The following ENO4 variants were observed in gnomAD, a reference collection of about 807,000 sequenced individuals.
ENO4 encodes enolase 4.
Under a neutral mutation model 63.2 loss-of-function variants are expected in ENO4, and 53 were observed. That is an observed-to-expected ratio of 0.84 (90% CI 0.67 to 1.05). ENO4 has a LOEUF of 1.05. ENO4 is among the 50% of genes least tolerant of loss of function. The pLI, the probability that ENO4 is intolerant of heterozygous loss-of-function variation, is 0.00. For missense variants in ENO4, 719 were observed against 772.0 expected, an observed-to-expected ratio of 0.93 and a Z score of 0.81; for synonymous variants, 266 against 283.8, an observed-to-expected ratio of 0.94 and a Z score of 0.63.
At chr10:116,866,485 A>G (rs1431492606) in intron 7 of ENO4, among the ~76,000 whole-genome samples, 3 of 152,210 alleles carry the variant, frequency 2.0e-5, no homozygotes, top group African/African-American at 7.2e-5. Flanking sequence ...TGAGCCTCTT[A>G]CATATCCTGT....
chr10:116,868,333 T>A (rs918672499), intron 7 of ENO4, among the ~76,000 whole-genome samples: 6 of 152,228 alleles, frequency 3.9e-5, no homozygotes, highest in African/African-American at 1.4e-4. Context: ...GTTCATGATA[T>A]ATGTGTGAAT....
intron 11 of ENO4, among the ~76,000 whole-genome samples, chr10:116,878,654 G>A (rs924281552): frequency 6.6e-6 from 1 of 151,756 alleles, no homozygotes; most frequent in Non-Finnish European, 1.5e-5. Flanking sequence ...TATAGCCGCG[G>A]TCTTAGAAAT....
chr10:116,856,815 C>G, intron 3 of ENO4, 133 bp downstream of exon 3: 1 of 710,162 alleles, frequency 1.4e-6, no homozygotes, highest in Non-Finnish European at 2.2e-6. Context: ...CGGTGAAACC[C>G]AGTCTCTACT....
chr10:116,909,690 C>T (rs1357932158), intron 10 of ENO4, among the ~76,000 whole-genome samples: 1 of 152,146 alleles, frequency 6.6e-6, no homozygotes, highest in Non-Finnish European at 1.5e-5. Flanking sequence ...AATTGTTCAA[C>T]TCAGAAAATA....
At chr10:116,909,849 T>C (rs1848120916) in intron 10 of ENO4, among the ~76,000 whole-genome samples, 3 of 152,196 alleles carry the variant, frequency 2.0e-5, no homozygotes, top group Admixed American at 1.3e-4. Context: ...TCTGGTTCTG[T>C]TCCACAATAG....
chr10:116,902,036 G>A (rs2133325371), intron 10 of ENO4: 2 of 1,292,274 alleles, frequency 1.5e-6, no homozygotes, highest in Non-Finnish European at 2.1e-6. Context: ...CAGATTAGCT[G>A]AAAATCCCTC....
chr10:116,866,313 G>C (rs963498426), intron 7 of ENO4, among the ~76,000 whole-genome samples: 1 of 152,198 alleles, frequency 6.6e-6, no homozygotes, highest in African/African-American at 2.4e-5. Context: ...AGGAAAAGCA[G>C]TAAAGCACTT....
At chr10:116,855,289 C>G (rs550753821) in intron 1 of ENO4, among the ~76,000 whole-genome samples, 1 of 152,298 alleles carries the variant, frequency 6.6e-6, no homozygotes, top group South Asian at 2.1e-4. Flanking sequence ...GAGACCGTCT[C>G]TGTTGAAGAA....
downstream of ENO4, chr10:116,885,266 CATT>C (rs1470305573): frequency 6.6e-6 from 1 of 152,582 alleles, no homozygotes; most frequent in African/African-American, 2.4e-5. Context: ...ATTACTGAAT[CATT>C]GTCATAAAAA....
intron 8 of ENO4, among the ~76,000 whole-genome samples, chr10:116,868,935 A>C: frequency 6.6e-6 from 1 of 152,188 alleles, no homozygotes; most frequent in Non-Finnish European, 1.5e-5. Flanking sequence ...ACCATCTGGA[A>C]TCTCACAGGG....
Position 116,881,514 on chromosome 10 carries a change from G to C in ENO4, c.1724-1G>C. 1 of 1,536,328 alleles carries C rather than the reference G, an allele frequency of 6.5e-7. No individual in the cohort carries two copies. The highest frequency in any genetic ancestry group is 8.8e-7 in the Non-Finnish European group (1 of 1,141,636). ...GTAAACTTTATTGTTACTTTAAATA[G>C]GTTTCAAAGAAGAACACACTTTTTT... On this transcript the variant is annotated splice_acceptor_variant, in intron 13 of 13. Coordinates refer to ENST00000341276, the MANE Select transcript of ENO4 (RefSeq NM_001242699.2). LOFTEE classifies it high-confidence loss of function.
chr10:116,903,493 C>G (rs1847831979), intron 10 of ENO4, among the ~76,000 whole-genome samples: 1 of 152,098 alleles, frequency 6.6e-6, no homozygotes, highest in African/African-American at 2.4e-5. Context: ...CCACTGCACT[C>G]CAGCCTGGGC....
At chr10:116,872,329 A>T (rs1046857137) in intron 9 of ENO4, among the ~76,000 whole-genome samples, 2 of 152,130 alleles carry the variant, frequency 1.3e-5, no homozygotes, top group African/African-American at 4.8e-5. Flanking sequence ...ACTTCCTGAT[A>T]TGGTTTGGCT....
chr10:116,907,047 C>T (rs182719108), intron 10 of ENO4, among the ~76,000 whole-genome samples: 144 of 152,160 alleles, frequency 9.5e-4, no homozygotes, highest in African/African-American at 3.3e-3. Flanking sequence ...ACCTGCATAG[C>T]GACGATTAAG....
intron 8 of ENO4, among the ~76,000 whole-genome samples, chr10:116,870,484 TA>T (rs944692794): frequency 7.3e-5 from 11 of 151,408 alleles, no homozygotes; most frequent in Middle Eastern, 3.4e-3. Context: ...CTACAAAAAA[TA>T]AAAAAAATAG....
intron 11 of ENO4, 60 bp downstream of exon 11, chr10:116,876,320 A>G (rs1846832789): frequency 3.2e-6 from 4 of 1,254,666 alleles, no homozygotes; most frequent in Non-Finnish European, 3.2e-6. Context: ...GAAACCAAAA[A>G]TACACAGCAT....
chr10:116,901,069 C>T (rs1286421335), intron 10 of ENO4: 3 of 985,408 alleles, frequency 3.0e-6, no homozygotes, highest in Non-Finnish European at 3.6e-6. Context: ...TTCGGCTGAT[C>T]TGATTTGTCT....
intron 10 of ENO4, chr10:116,900,749 T>C (rs1847702102): frequency 2.0e-6 from 2 of 984,280 alleles, no homozygotes; most frequent in Admixed American, 1.2e-4. Flanking sequence ...TTCAAATGAC[T>C]CTAGTCAAAA....
intron 11 of ENO4, among the ~76,000 whole-genome samples, chr10:116,876,583 G>A (rs572258072): frequency 3.4e-4 from 52 of 152,360 alleles, no homozygotes; most frequent in Non-Finnish European, 6.0e-4. Context: ...GATTTCTTAC[G>A]AAAGGGCATA....
Sources: gnomAD v4.1 joint callset for allele counts (sites outside exome capture counted in the v4.1 genomes callset) on GRCh38, gnomAD v4.1.1 for gene constraint, MANE v1.5 for transcripts, NCBI Gene and HGNC (gene_info 2026-07-23, HGNC 2026-07-21) for gene names.